The following CCDC73 variants were observed in gnomAD, a reference collection of about 807,000 sequenced individuals.
The protein encoded by CCDC73 is coiled-coil domain-containing protein 73.
A neutral mutation model predicts 116.5 loss-of-function variants in CCDC73; 95 were observed. That is an observed-to-expected ratio of 0.82 (90% CI 0.69 to 0.97). The LOEUF (loss-of-function observed/expected upper bound fraction) is 0.97, where lower values mean the gene tolerates loss of function less well. CCDC73 is among the 50% of genes least tolerant of loss of function. CCDC73 has a pLI of 0.00. For synonymous variants in CCDC73, 398 were observed against 401.3 expected (o/e 0.99, Z 0.10); for missense variants, 1,066 against 1,206.8 (o/e 0.88, Z 1.73).
At chr11:32,690,079 G>A (rs1457350840) in intron 6 of CCDC73, among the ~76,000 whole-genome samples, 1 of 152,094 alleles carries the variant, frequency 6.6e-6, no homozygotes. Context: ...GGATAAATGA[G>A]AAGATTCAAA....
Position 32,676,069 on chromosome 11 carries a change from T to C in CCDC73, c.430-48A>G, listed in dbSNP as rs2133287917. ...ATGTTATACATATAACACACACACA[T>C]CGCCACACACAACAAATATGTAAAA... On this transcript the variant is annotated intron_variant, in intron 7 of 17. Transcript: ENST00000335185. 3 of 1,426,690 alleles carry C rather than the reference T, an allele frequency of 2.1e-6. No homozygotes were observed. In the South Asian group the frequency reaches 4.5e-5, roughly 21 times the overall value. 88.4% of individuals were successfully genotyped at this position (1,426,690 alleles called of 1,614,324 possible).
intron 12 of CCDC73, among the ~76,000 whole-genome samples, chr11:32,652,483 T>C (rs565882807): frequency 6.6e-6 from 1 of 152,292 alleles, no homozygotes; most frequent in South Asian, 2.1e-4. Flanking sequence ...AGTCTCCCCT[T>C]CTTGTATCTC....
At chr11:32,636,663 T>C (rs1376201895) in intron 13 of CCDC73, among the ~76,000 whole-genome samples, 1 of 152,136 alleles carries the variant, frequency 6.6e-6, no homozygotes, top group Non-Finnish European at 1.5e-5. Context: ...ATAAATACTA[T>C]AATTACTATT....
intron 9 of CCDC73, among the ~76,000 whole-genome samples, chr11:32,659,715 T>C (rs1278584166): frequency 6.6e-6 from 1 of 152,044 alleles, no homozygotes; most frequent in Admixed American, 6.5e-5. Flanking sequence ...AACCACAAAA[T>C]AATCAGGAAA....
chr11:32,607,970 A>AATAT (rs1447433056), intron 17 of CCDC73, among the ~76,000 whole-genome samples: 7 of 152,166 alleles, frequency 4.6e-5, no homozygotes, highest in African/African-American at 1.4e-4. Context: ...CATGAGACTT[A>AATAT]TTCACTATCA....
At chr11:32,758,555 A>G in intron 2 of CCDC73, 1 of 444,670 alleles carries the variant, frequency 2.2e-6, no homozygotes, top group South Asian at 1.8e-5. Context: ...TTTCTTCATC[A>G]AGGAGCAGAA....
chr11:32,682,142 T>C (rs929117032), intron 7 of CCDC73: 1 of 151,834 alleles, frequency 6.6e-6, no homozygotes, highest in Non-Finnish European at 1.5e-5. Context: ...TAAGTATCTG[T>C]TTGATGAAAT....
At chr11:32,632,835 AC>A (rs1244501001) in intron 14 of CCDC73, among the ~76,000 whole-genome samples, 3 of 152,144 alleles carry the variant, frequency 2.0e-5, no homozygotes, top group African/African-American at 4.8e-5. Flanking sequence ...GTGGGATGGA[AC>A]CAAAGCAGTG....
the CCDC73 span, among the ~76,000 whole-genome samples, chr11:32,829,584 C>T: frequency 2.0e-5 from 3 of 152,220 alleles, no homozygotes; most frequent in Non-Finnish European, 4.4e-5. Flanking sequence ...CTAAGGTAAC[C>T]ACAGGACTCC....
At chr11:32,763,627 C>T (rs775948887) in intron 1 of CCDC73, among the ~76,000 whole-genome samples, 14 of 152,086 alleles carry the variant, frequency 9.2e-5, no homozygotes, top group Non-Finnish European at 1.9e-4. Context: ...TCACCATCAT[C>T]AAAGACCAAA....
chr11:32,631,345 A>G (rs1192126712), intron 14 of CCDC73, among the ~76,000 whole-genome samples: 1 of 152,244 alleles, frequency 6.6e-6, no homozygotes, highest in Non-Finnish European at 1.5e-5. Flanking sequence ...GCCAAAAAAT[A>G]GGTCTTAGTA....
intron 6 of CCDC73, among the ~76,000 whole-genome samples, chr11:32,694,667 T>C (rs1856292634): frequency 6.6e-6 from 1 of 152,038 alleles, no homozygotes. Context: ...AACAAAACAA[T>C]TTAAGAAGGA....
At chr11:32,706,571 G>A (rs1849857966) in intron 3 of CCDC73, among the ~76,000 whole-genome samples, 1 of 152,106 alleles carries the variant, frequency 6.6e-6, no homozygotes, top group Non-Finnish European at 1.5e-5. Flanking sequence ...AGAAAATAAA[G>A]GAAAATAATC....
chr11:32,788,344 G>A (rs1850645529), intron 1 of CCDC73, among the ~76,000 whole-genome samples: 1 of 152,128 alleles, frequency 6.6e-6, no homozygotes, highest in Non-Finnish European at 1.5e-5. Flanking sequence ...AATAAAGGAA[G>A]AGTATCCATA....
chr11:32,711,666 C>T (rs1849901795), intron 3 of CCDC73, among the ~76,000 whole-genome samples: 1 of 152,128 alleles, frequency 6.6e-6, no homozygotes, highest in Non-Finnish European at 1.5e-5. Flanking sequence ...ACAGTGTAGA[C>T]TGTTCGGGTG....
In CCDC73 at chr11:32,602,932, C is replaced by T; in HGVS notation, c.3119G>A (p.Trp1040Ter). 1 of 1,613,400 alleles carries T rather than the reference C, an allele frequency of 6.2e-7. No homozygotes were observed. The highest frequency in any genetic ancestry group is 8.5e-7 in the Non-Finnish European group (1 of 1,179,594). Residue 1040 changes from tryptophan (W) to a stop codon, truncating the protein, a stop_gained, in exon 18 of 18, where the codon TGG becomes TAG. Transcript: ENST00000335185. LOFTEE classifies it high-confidence loss of function. ...TTKNTSGDDD[W>*]QSLITNQLNK... is the part of the protein sequence containing the mutation. The stretch of plus-strand genomic sequence containing the variant: ...TAGTTGATTCGTAATGAGGCTCTGC[C>T]AGTCATCATCACCAGAAGTATTTTT...
At chr11:32,613,320 G>A in intron 16 of CCDC73, 102 bp downstream of exon 16, 1 of 970,894 alleles carries the variant, frequency 1.0e-6, no homozygotes, top group Non-Finnish European at 1.5e-6. Flanking sequence ...TTTAAAATAA[G>A]ACGAACTTTT....
At chr11:32,724,993 AT>A (rs1427454561) in intron 2 of CCDC73, among the ~76,000 whole-genome samples, 1 of 152,158 alleles carries the variant, frequency 6.6e-6, no homozygotes, top group Non-Finnish European at 1.5e-5. Context: ...TAAACATTCA[AT>A]TTTTTTCAAA....
At chr11:32,637,131 T>C (rs1354959254) in intron 13 of CCDC73, among the ~76,000 whole-genome samples, 1 of 150,420 alleles carries the variant, frequency 6.6e-6, no homozygotes, top group Non-Finnish European at 1.5e-5. Context: ...GCGAGTCTTC[T>C]GCCTCAGCCT....
Sources: allele counts gnomAD v4.1 joint callset (sites outside exome capture counted in the v4.1 genomes callset), GRCh38; gene constraint gnomAD v4.1.1; transcripts MANE v1.5; gene names NCBI Gene and HGNC (gene_info 2026-07-23, HGNC 2026-07-21).